The following CRHR2 variants were observed in gnomAD, a reference collection of about 807,000 sequenced individuals.
The protein encoded by CRHR2 is corticotropin releasing hormone receptor 2.
In CRHR2, 53 loss-of-function variants were observed where a neutral mutation model predicts 57.9. That is an observed-to-expected ratio of 0.92 (90% CI 0.73 to 1.15). The LOEUF is 1.15. Among genes scored for constraint, CRHR2 ranks in the 50% most tolerant of loss-of-function variants. CRHR2 has a pLI of 0.00. For synonymous variants in CRHR2, 213 were observed against 220.9 expected (o/e 0.96, Z 0.32); for missense variants, 532 against 542.6 (o/e 0.98, Z 0.19).
At chr7:30,699,074 C>T (rs898354303) in intron 1 of CRHR2, among the ~76,000 whole-genome samples, 1 of 152,184 alleles carries the variant, frequency 6.6e-6, no homozygotes, top group East Asian at 1.9e-4. Flanking sequence ...CAGCGACAAG[C>T]CTCTTAGCTT....
At chr7:30,671,910 G>A (rs1784374418) in intron 2 of CRHR2, among the ~76,000 whole-genome samples, 2 of 152,118 alleles carry the variant, frequency 1.3e-5, no homozygotes, top group Non-Finnish European at 2.9e-5. Context: ...AGAAGAGGTA[G>A]TACTAGTAGT....
chr7:30,662,651 A>C (rs1584093300), intron 6 of CRHR2, 43 bp downstream of exon 6: 2 of 1,595,152 alleles, frequency 1.3e-6, no homozygotes, highest in East Asian at 2.2e-5. Context: ...CCTGGTGAGA[A>C]GTCCTCCCCC....
In CRHR2 at chr7:30,656,068, T is replaced by G. The variant is rs969146070; in HGVS notation, c.832-56A>C. 2 of 1,549,330 alleles carry G rather than the reference T, an allele frequency of 1.3e-6. No homozygotes were observed. Among genetic ancestry groups the G allele is most frequent in the Non-Finnish European group, 1.8e-6 (2 of 1,123,384 alleles). ...AAAAGGAAGGAGCACGTGTTTGAGA[T>G]GAGCCGAGAGGCAGCCCCCTTCCCC... On this transcript the variant is annotated intron_variant, in intron 8 of 11. Transcript: ENST00000471646. This position sits in a 1 kb window ranked among gnomAD's most constrained non-coding sequence, Gnocchi z 4.4.
intron 2 of CRHR2, among the ~76,000 whole-genome samples, chr7:30,677,411 G>T (rs1784551911): frequency 6.6e-6 from 1 of 152,090 alleles, no homozygotes; most frequent in African/African-American, 2.4e-5. Flanking sequence ...CCCACTTCTG[G>T]CCAAACCACT....
chr7:30,697,001 T>C (rs1333529326), intron 1 of CRHR2, among the ~76,000 whole-genome samples: 1 of 152,144 alleles, frequency 6.6e-6, no homozygotes, highest in Non-Finnish European at 1.5e-5. Flanking sequence ...AATTAGCTAG[T>C]GAGGCTAGAA....
In CRHR2 at chr7:30,665,030, A is replaced by C. The variant is rs1784129756; in HGVS notation, c.543+40T>G. On this transcript the variant is annotated intron_variant, in intron 5 of 11. Coordinates refer to ENST00000471646, the MANE Select transcript of CRHR2 (RefSeq NM_001883.5). This position sits in a 1 kb window ranked among gnomAD's most constrained non-coding sequence, Gnocchi z 4.5. Reference sequence around the variant, plus strand: ...ACAGATGGGTGCCCCCGGAGCCCAGAGCCCCCCAGGTATAGCCCCGAGTCT... The same window carrying C: ...ACAGATGGGTGCCCCCGGAGCCCAGCGCCCCCCAGGTATAGCCCCGAGTCT... 6.5e-7 allele frequency: 1 copy of C among 1,545,754 alleles called. No individual in the cohort carries two copies. Among genetic ancestry groups the C allele is most frequent in the Non-Finnish European group, 8.9e-7 (1 of 1,118,040 alleles).
intron 2 of CRHR2, among the ~76,000 whole-genome samples, chr7:30,677,027 T>C (rs2267716): frequency 0.38 from 58,443 of 151,958 alleles, 15,534 homozygotes; most frequent in African/African-American, 0.77. Context: ...AGAAGGAAAA[T>C]GGACCATGGC....
At chr7:30,681,812 C>T in intron 2 of CRHR2, 103 bp downstream of exon 2, 1 of 1,446,954 alleles carries the variant, frequency 6.9e-7, no homozygotes, top group Non-Finnish European at 9.1e-7. Context: ...GTACCGCGGC[C>T]GTCAGCAGCT....
intron 2 of CRHR2, among the ~76,000 whole-genome samples, chr7:30,674,307 G>A (rs907331914): frequency 2.6e-5 from 4 of 152,310 alleles, no homozygotes; most frequent in Admixed American, 6.5e-5. Context: ...TCATGCTCCC[G>A]CCTCTACTGT....
chr7:30,667,353 C>T (rs904915793), intron 2 of CRHR2, 40 bp from the exon 3 acceptor site: 8 of 1,583,938 alleles, frequency 5.1e-6, no homozygotes, highest in Non-Finnish European at 6.9e-6. Flanking sequence ...GGTCACTCCC[C>T]TCCTCAAGAA....
upstream of CRHR2, chr7:30,686,602 A>G: frequency 1.6e-6 from 2 of 1,249,402 alleles, no homozygotes; most frequent in Non-Finnish European, 2.2e-6. Flanking sequence ...TGAGCACAGG[A>G]ATTCAAGACC....
At chr7:30,654,935 C>T (rs1783721954) in intron 11 of CRHR2, 104 bp downstream of exon 11, 1 of 1,558,796 alleles carries the variant, frequency 6.4e-7, no homozygotes, top group Non-Finnish European at 8.7e-7. Flanking sequence ...AAGGCTTCCT[C>T]TCCCTGGCAC....
chr7:30,677,734 G>T (rs1330056819), intron 2 of CRHR2, among the ~76,000 whole-genome samples: 1 of 152,214 alleles, frequency 6.6e-6, no homozygotes, highest in Non-Finnish European at 1.5e-5. Context: ...CCCAGATGGA[G>T]ACAGGGAGAA....
intron 1 of CRHR2, among the ~76,000 whole-genome samples, chr7:30,690,701 C>T (rs1784943775): frequency 6.6e-6 from 1 of 152,200 alleles, no homozygotes; most frequent in African/African-American, 2.4e-5. Flanking sequence ...TCAGCCCTCA[C>T]CACGTCAGCC....
chr7:30,652,007 C>T lies in CRHR2; in HGVS notation c.*1453G>A, dbSNP rs555024165. On this transcript the variant is annotated 3_prime_UTR_variant, in exon 12 of 12. Coordinates refer to ENST00000471646, the MANE Select transcript of CRHR2 (RefSeq NM_001883.5). This position sits in a 1 kb window ranked among gnomAD's most constrained non-coding sequence, Gnocchi z 4.4. ...AATATTTACAAAATGGCAGAAATCA[C>T]ACCTTTGAAGGATTTAAAACTTAAG... 1.1e-4 allele frequency: 16 copies of T among 152,304 alleles called. No homozygotes were observed. The highest frequency in any genetic ancestry group is 3.8e-4 in the African/African-American group (16 of 41,564). 9.4% of individuals were successfully genotyped at this position (152,304 alleles called of 1,614,324 possible).
At chr7:30,667,930 T>C (rs535159515) in intron 2 of CRHR2, among the ~76,000 whole-genome samples, 45 of 152,344 alleles carry the variant, frequency 3.0e-4, no homozygotes, top group African/African-American at 1.0e-3. Context: ...AACTCAGAAG[T>C]TGTGGCTTCG....
chr7:30,691,859 G>C (rs1231383271), intron 1 of CRHR2, among the ~76,000 whole-genome samples: 2 of 152,174 alleles, frequency 1.3e-5, no homozygotes, highest in African/African-American at 4.8e-5. Flanking sequence ...GGTGGTGATG[G>C]GTGGGCAGGG....
At chr7:30,681,420 T>A (rs1394913381) in intron 2 of CRHR2, among the ~76,000 whole-genome samples, 1 of 152,152 alleles carries the variant, frequency 6.6e-6, no homozygotes, top group East Asian at 1.9e-4. Context: ...CCACGAAACA[T>A]GCGCTCGCCC....
intron 8 of CRHR2, among the ~76,000 whole-genome samples, chr7:30,657,505 A>T (rs779336915): frequency 1.3e-5 from 2 of 152,228 alleles, no homozygotes; most frequent in Admixed American, 1.3e-4. Flanking sequence ...ACCTTAACAT[A>T]TAAGTGAATC....
Sources: allele counts gnomAD v4.1 joint callset (sites outside exome capture counted in the v4.1 genomes callset), GRCh38; gene constraint gnomAD v4.1.1; non-coding constraint Gnocchi (gnomAD v3.1); transcripts MANE v1.5; gene names NCBI Gene and HGNC (gene_info 2026-07-23, HGNC 2026-07-21).